The following MFRP variants were observed in gnomAD, a reference collection of about 807,000 sequenced individuals.
The protein encoded by MFRP is membrane frizzled-related protein.
MFRP carries 74 observed loss-of-function variants against 65.8 expected under a neutral mutation model. The observed-to-expected ratio is 1.12, with a 90% CI of 0.93 to 1.36. The LOEUF (loss-of-function observed/expected upper bound fraction) is 1.36. Ranked by LOEUF, MFRP falls within the 40% of genes most tolerant of loss-of-function variation. MFRP has a pLI of 0.00. For synonymous variants in MFRP, 336 were observed against 288.3 expected (o/e 1.17, Z -1.68); for missense variants, 838 against 736.0 (o/e 1.14, Z -1.60).
chr11:119,345,268 C>T (rs1022347496), intron 5 of MFRP, 152 bp downstream of exon 5: 21 of 836,916 alleles, frequency 2.5e-5, no homozygotes, highest in East Asian at 1.8e-4. Flanking sequence ...ATCTTCCTCA[C>T]GGCACACAGC....
chr11:119,345,307 T>G (rs1591306128), intron 5 of MFRP, 113 bp downstream of exon 5: 1 of 1,103,224 alleles, frequency 9.1e-7, no homozygotes, highest in Non-Finnish European at 1.4e-6. Flanking sequence ...GGCCCAGAGG[T>G]CTAGTCTCTC....
At chr11:119,346,238 T>C in intron 2 of MFRP, 34 bp downstream of exon 2, 1 of 1,579,482 alleles carries the variant, frequency 6.3e-7, no homozygotes, top group Non-Finnish European at 8.6e-7. Flanking sequence ...TGGGCCTCTC[T>C]GTCCTCCCCC....
Position 119,339,967 on chromosome 11 carries a change from T to C in MFRP, c.*1111-119A>G. On this transcript the variant is annotated intron_variant, in intron 14 of 14. Coordinates refer to ENST00000619721, the MANE Select transcript of MFRP (RefSeq NM_031433.4). This position sits in a 1 kb window ranked among gnomAD's most constrained non-coding sequence, Gnocchi z 5.4. ...TGCCTGAGCTTCGGCCAGCGCCTCC[T>C]CCCGCACGGGTACCTCCTCCACCCC... 7.4e-7 allele frequency: 1 copy of C among 1,348,058 alleles called. No individual in the cohort carries two copies. Among genetic ancestry groups the C allele is most frequent in the Admixed American group, 3.2e-5 (1 of 31,600 alleles). 83.5% of individuals were successfully genotyped at this position (1,348,058 alleles called of 1,614,324 possible).
Position 119,339,804 on chromosome 11 carries a change from C to T in MFRP, c.*1155G>A. On this transcript the variant is annotated 3_prime_UTR_variant, in exon 15 of 15. Transcript: ENST00000619721. The surrounding 1 kb of genome is among the most constrained non-coding windows in gnomAD (Gnocchi z 5.4). ...GCAGGCCCGGTGGGCCCCGCGGGTC[C>T]CGCCTCTCCTCGCGGCCCGGGGTCC... 3 of 1,525,572 alleles carry T rather than the reference C, an allele frequency of 2.0e-6. No individual in the cohort carries two copies. Among genetic ancestry groups the T allele is most frequent in the Non-Finnish European group, 1.8e-6 (2 of 1,142,332 alleles). The allele number at this position is 1,525,572 out of a possible 1,614,324, so 94.5% of individuals were successfully genotyped here.
Position 119,344,402 on chromosome 11 carries a change from G to A in MFRP, c.899-11C>T. 1 of 1,612,726 alleles carries A rather than the reference G, an allele frequency of 6.2e-7. No homozygotes were observed. The highest frequency in any genetic ancestry group is 1.6e-4 in the Middle Eastern group (1 of 6,062). On this transcript the variant is annotated splice_polypyrimidine_tract_variant and intron_variant, in intron 7 of 14. Transcript: ENST00000619721. ...GATTCCCCCCACACCCTGTAGAGAG[G>A]TGGAAGGGCTCATGAGTTTGCTAGG...
chr11:119,344,806 T>G, intron 6 of MFRP, 49 bp from the exon 7 acceptor site: 1 of 1,613,662 alleles, frequency 6.2e-7, no homozygotes, highest in African/African-American at 1.3e-5. Context: ...TCCACCCCTT[T>G]GACAGGACTG....
Position 119,344,647 on chromosome 11 carries a change from T to C in MFRP, c.883A>G (p.Ser295Gly), listed in dbSNP as rs1565294736. The change falls in exon 7 of 15, where the codon AGT becomes GGT. Residue 295 changes from serine to glycine, a missense_variant. By Grantham distance (56) the Ser-to-Gly change is moderately conservative (BLOSUM62 0). Coordinates refer to ENST00000619721, the MANE Select transcript of MFRP (RefSeq NM_031433.4). ...CADGSDETNC[S>G]AKFSGCGGNL... ...TGGCCCGTACCCGAGAACTTGGCAC[T>C]GCAATTGGTCTCATCACTGCCGTCA... The C allele has an allele frequency of 6.2e-7, 1 of 1,614,002 alleles. No homozygotes were observed. Among genetic ancestry groups the C allele is most frequent in the East Asian group, 2.2e-5 (1 of 44,870 alleles).
chr11:119,346,516 C>A lies in MFRP; in HGVS notation c.-3G>T, dbSNP rs1950572641. 7 of 1,614,020 alleles carry A rather than the reference C, an allele frequency of 4.3e-6. No individual in the cohort carries two copies. The East Asian group carries it at 1.6e-4, about 36-fold the overall frequency. Reference sequence around the variant, plus strand: ...ATGACATCTGAGAAGTCCTTCATGGCACAAGGCTCTGCATGGCTTTCTGGA... The same window carrying A: ...ATGACATCTGAGAAGTCCTTCATGGAACAAGGCTCTGCATGGCTTTCTGGA... On this transcript the variant is annotated 5_prime_UTR_variant, in exon 1 of 15. Coordinates refer to ENST00000619721, the MANE Select transcript of MFRP (RefSeq NM_031433.4).
At position 119,344,630 on chromosome 11, in the gene MFRP, A is replaced by G; in HGVS notation, c.898+2T>C. 1 of 1,614,020 alleles carries G rather than the reference A, an allele frequency of 6.2e-7. No individual in the cohort carries two copies. Among genetic ancestry groups the G allele is most frequent in the Non-Finnish European group, 8.5e-7 (1 of 1,180,028 alleles). On this transcript the variant is annotated splice_donor_variant, in intron 7 of 14. Transcript: ENST00000619721. LOFTEE classifies it high-confidence loss of function. Reference sequence around the variant, plus strand: ...GAGAGGACCCCCATGCCTGGCCCGTACCCGAGAACTTGGCACTGCAATTGG... The same window carrying G: ...GAGAGGACCCCCATGCCTGGCCCGTGCCCGAGAACTTGGCACTGCAATTGG...
chr11:119,344,045 A>C, intron 8 of MFRP, 81 bp from the exon 9 acceptor site: 1 of 1,549,958 alleles, frequency 6.5e-7, no homozygotes, highest in Non-Finnish European at 8.8e-7. Context: ...TTCTTCCCCC[A>C]CTGCTGGCTG....
Position 119,340,792 on chromosome 11 carries a change from G to A in MFRP, c.*756C>T. On this transcript the variant is annotated 3_prime_UTR_variant, in exon 13 of 15. Coordinates refer to ENST00000619721, the MANE Select transcript of MFRP (RefSeq NM_031433.4). Reference sequence around the variant, plus strand: ...AGCCCCCGCGCTTCTCCCCGGCCAGGCGCCCCCTGCCCTGCCGTCACCCCA... The same window carrying A: ...AGCCCCCGCGCTTCTCCCCGGCCAGACGCCCCCTGCCCTGCCGTCACCCCA... 3.8e-6 allele frequency: 1 copy of A among 260,974 alleles called. No homozygotes were observed. The highest frequency in any genetic ancestry group is 7.3e-6 in the Non-Finnish European group (1 of 136,254). The allele number at this position is 260,974 out of a possible 1,614,324, so 16.2% of individuals were successfully genotyped here. A position where few individuals can be genotyped will look rare whatever the true frequency, so the allele number is the denominator to read the frequency against.
intron 9 of MFRP, among the ~76,000 whole-genome samples, chr11:119,343,399 C>T (rs1950523876): frequency 6.6e-6 from 1 of 152,172 alleles, no homozygotes; most frequent in South Asian, 2.1e-4. Flanking sequence ...TGCCTGTGAT[C>T]CCAGCTACTT....
In MFRP at chr11:119,344,058, G is replaced by T; in HGVS notation, c.976-94C>A. The T allele has an allele frequency of 5.3e-6, 8 of 1,522,612 alleles. No homozygotes were observed. In the South Asian group the frequency reaches 9.1e-5, roughly 17 times the overall value. The allele number at this position is 1,522,612 out of a possible 1,614,324, so 94.3% of individuals were successfully genotyped here. ...TCTTCTTCCCCCACTGCTGGCTGGGGGGATGGGGTGGTGCTTTCATCATTG... is the reference window on the plus strand; with the variant it reads ...TCTTCTTCCCCCACTGCTGGCTGGGTGGATGGGGTGGTGCTTTCATCATTG... On this transcript the variant is annotated intron_variant, in intron 8 of 14. Coordinates refer to ENST00000619721, the MANE Select transcript of MFRP (RefSeq NM_031433.4).
intron 9 of MFRP, among the ~76,000 whole-genome samples, chr11:119,343,533 G>A (rs1333286816): frequency 1.3e-5 from 2 of 152,044 alleles, no homozygotes; most frequent in African/African-American, 4.8e-5. Context: ...AGAAGAAAAA[G>A]AAAAATCAAT....
At position 119,346,533 on chromosome 11, in the gene MFRP, C is replaced by A. The variant is rs1565296633; in HGVS notation, c.-20G>T. The stretch of plus-strand genomic sequence containing the variant: ...CTTCATGGCACAAGGCTCTGCATGG[C>A]TTTCTGGAGTCCCTGTGACAGCCCA... On this transcript the variant is annotated 5_prime_UTR_variant, in exon 1 of 15. Transcript: ENST00000619721. 6.2e-7 allele frequency: 1 copy of A among 1,613,662 alleles called. No homozygotes were observed. Among genetic ancestry groups the A allele is most frequent in the Non-Finnish European group, 8.5e-7 (1 of 1,179,822 alleles).
At chr11:119,340,130 G>T in intron 14 of MFRP, 54 bp downstream of exon 14, 1 of 1,483,466 alleles carries the variant, frequency 6.7e-7, no homozygotes, top group South Asian at 1.3e-5. Flanking sequence ...AGCTGGAGCT[G>T]CGGCCGCGCC....
intron 9 of MFRP, 125 bp downstream of exon 9, chr11:119,343,691 A>G: frequency 1.7e-6 from 2 of 1,207,156 alleles, no homozygotes; most frequent in East Asian, 2.3e-5. Context: ...TGGTGAAGAG[A>G]CCCCCGGCCT....
In MFRP at chr11:119,345,475, A is replaced by C; in HGVS notation, c.586T>G (p.Ser196Ala). ...AGTTCCAAGCGATCAAAAAGGCAAG[A>C]GGCCACACTCTCTATGCTGAGGGCT... The part of the protein sequence containing the change: ...IEALSIESVA[S>A]CLFDRLELSP... The change falls in exon 5 of 15, where the codon TCT becomes GCT. Residue 196 changes from serine to alanine, a missense_variant. Transcript: ENST00000619721. 1 of 1,614,014 alleles carries C rather than the reference A, an allele frequency of 6.2e-7. No homozygotes were observed. Among genetic ancestry groups the C allele is most frequent in the Admixed American group, 1.7e-5 (1 of 60,024 alleles).
rs142533439 is a variant in MFRP, at chr11:119,342,731, C to G, written c.1256-4G>C. 2 of 1,613,482 alleles carry G rather than the reference C, an allele frequency of 1.2e-6. No individual in the cohort carries two copies. Among genetic ancestry groups the G allele is most frequent in the Non-Finnish European group, 1.7e-6 (2 of 1,179,956 alleles). On this transcript the variant is annotated splice_polypyrimidine_tract_variant and splice_region_variant and intron_variant, in intron 10 of 14. Transcript: ENST00000619721. The stretch of plus-strand genomic sequence containing the variant: ...AGCTCACTGGGCCCACAGGGGTCTG[C>G]AGGCACAAGGGGCATGGCAGTGCCC...
Sources: gnomAD v4.1 joint callset for allele counts (sites outside exome capture counted in the v4.1 genomes callset) on GRCh38, gnomAD v4.1.1 for gene constraint, Gnocchi (gnomAD v3.1) non-coding constraint, MANE v1.5 for transcripts, NCBI Gene and HGNC (gene_info 2026-07-23, HGNC 2026-07-21) for gene names.